The following PRKG1 variants were observed in gnomAD, a reference collection of about 807,000 sequenced individuals.
The protein encoded by PRKG1 is protein kinase cGMP-dependent 1, also known as cGMP-dependent protein kinase 1.
Under a neutral mutation model 88.1 loss-of-function variants are expected in PRKG1, and 35 were observed. That is an observed-to-expected ratio of 0.40 (90% CI 0.30 to 0.53). PRKG1 has a LOEUF of 0.53. PRKG1 is among the 20% of genes least tolerant of loss of function. PRKG1 has a pLI of 0.59. For missense variants in PRKG1, 540 were observed against 839.8 expected (o/e 0.64, Z 4.41); for synonymous variants, 303 against 292.5 (o/e 1.04, Z -0.37).
chr10:51,829,191 T>G (rs1839946036), intron 4 of PRKG1, among the ~76,000 whole-genome samples: 1 of 152,234 alleles, frequency 6.6e-6, no homozygotes, highest in Non-Finnish European at 1.5e-5. Context: ...GGCAGTTGGC[T>G]TCTCTAAGGA....
intron 7 of PRKG1, among the ~76,000 whole-genome samples, chr10:52,066,626 A>G (rs1846361869): frequency 6.6e-6 from 1 of 152,228 alleles, no homozygotes; most frequent in East Asian, 1.9e-4. Flanking sequence ...ACAATAGGCT[A>G]GTAAAACAGG....
At chr10:51,839,942 G>A (rs544066964) in intron 4 of PRKG1, among the ~76,000 whole-genome samples, 1 of 152,254 alleles carries the variant, frequency 6.6e-6, no homozygotes, top group Admixed American at 6.5e-5. Context: ...AATTCTTGAG[G>A]ATGCCATTTT....
intron 1 of PRKG1, among the ~76,000 whole-genome samples, chr10:51,043,596 G>A (rs941658988): frequency 6.6e-6 from 1 of 152,122 alleles, no homozygotes; most frequent in African/African-American, 2.4e-5. Flanking sequence ...AGGAACCACA[G>A]GCCATAGTAC....
chr10:52,056,777 A>G (rs928075881), intron 6 of PRKG1, among the ~76,000 whole-genome samples: 2 of 152,152 alleles, frequency 1.3e-5, no homozygotes, highest in African/African-American at 2.4e-5. Flanking sequence ...TTCTAATACT[A>G]ATATATTAAC....
At chr10:51,596,092 G>A (rs898309656) in intron 3 of PRKG1, among the ~76,000 whole-genome samples, 2 of 152,124 alleles carry the variant, frequency 1.3e-5, no homozygotes, top group African/African-American at 4.8e-5. Context: ...GCCTCCCAAA[G>A]TGCTGGGATT....
chr10:51,020,454 G>T (rs377752864), intron 1 of PRKG1, among the ~76,000 whole-genome samples: 1 of 152,162 alleles, frequency 6.6e-6, no homozygotes, highest in Non-Finnish European at 1.5e-5. Context: ...AGATGCTTAG[G>T]CTGCATCAAA....
At chr10:51,348,113 C>A (rs565049653) in intron 2 of PRKG1, among the ~76,000 whole-genome samples, 1 of 151,882 alleles carries the variant, frequency 6.6e-6, no homozygotes, top group Non-Finnish European at 1.5e-5. Context: ...GGAGAAAACA[C>A]GTAACTTAAG....
chr10:51,675,725 A>G (rs1336699567), intron 3 of PRKG1, among the ~76,000 whole-genome samples: 1 of 152,222 alleles, frequency 6.6e-6, no homozygotes, highest in Non-Finnish European at 1.5e-5. Flanking sequence ...ATTTGGATAC[A>G]TTTAAAAATT....
chr10:51,927,387 G>C (rs1242723761), intron 5 of PRKG1, among the ~76,000 whole-genome samples: 1 of 152,130 alleles, frequency 6.6e-6, no homozygotes, highest in Admixed American at 6.6e-5. Context: ...ACATGGAACT[G>C]TGAGTCCATT....
intron 5 of PRKG1, among the ~76,000 whole-genome samples, chr10:51,923,648 T>A (rs146899744): frequency 4.7e-4 from 71 of 152,032 alleles, no homozygotes; most frequent in African/African-American, 1.6e-3. Context: ...AGATAGCATA[T>A]GTACCTTATA....
intron 1 of PRKG1, among the ~76,000 whole-genome samples, chr10:51,016,736 T>TCGGCTCACTG (rs1843071545): frequency 7.3e-6 from 1 of 137,686 alleles, no homozygotes; most frequent in Non-Finnish European, 1.5e-5. Context: ...TGGCGCGATC[T>TCGGCTCACTG]CGGCTCACTG....
At chr10:51,012,129 G>C (rs375427508) in intron 1 of PRKG1, among the ~76,000 whole-genome samples, 174 of 152,302 alleles carry the variant, frequency 1.1e-3, no homozygotes, top group African/African-American at 4.0e-3. Flanking sequence ...GATTGGGGTA[G>C]GAACTAGCCA....
intron 10 of PRKG1, among the ~76,000 whole-genome samples, chr10:52,259,519 T>C (rs995908330): frequency 6.6e-5 from 10 of 152,156 alleles, no homozygotes; most frequent in African/African-American, 1.7e-4. Flanking sequence ...ATCAATTGCA[T>C]ATATTTAATT....
At chr10:51,162,187 C>T (rs1405963287) in intron 2 of PRKG1, among the ~76,000 whole-genome samples, 2 of 152,172 alleles carry the variant, frequency 1.3e-5, no homozygotes, top group East Asian at 3.8e-4. Flanking sequence ...ATAGGAGCCA[C>T]TTCCCAGCAC....
chr10:51,010,231 C>T (rs1379164911), intron 1 of PRKG1, among the ~76,000 whole-genome samples: 6 of 152,352 alleles, frequency 3.9e-5, no homozygotes, highest in South Asian at 2.1e-4. Context: ...GTAAATCATT[C>T]GCTCTACATT....
At chr10:51,816,020 A>T (rs963740487) in intron 4 of PRKG1, among the ~76,000 whole-genome samples, 3 of 152,208 alleles carry the variant, frequency 2.0e-5, no homozygotes, top group African/African-American at 7.2e-5. Flanking sequence ...ATAAGCTGGC[A>T]CCTGCCTCCT....
At chr10:52,252,912 A>G (rs1226717668) in intron 10 of PRKG1, 4 of 151,870 alleles carry the variant, frequency 2.6e-5, no homozygotes, top group Non-Finnish European at 5.9e-5. Context: ...TAATGTAGCC[A>G]TGGATTTATT....
At chr10:51,838,493 C>T (rs1347134334) in intron 4 of PRKG1, among the ~76,000 whole-genome samples, 1 of 152,198 alleles carries the variant, frequency 6.6e-6, no homozygotes, top group African/African-American at 2.4e-5. Context: ...GAAGTGTCCT[C>T]TGGGACTCAA....
intron 3 of PRKG1, among the ~76,000 whole-genome samples, chr10:51,539,499 C>G (rs116687635): frequency 4.5e-4 from 68 of 152,294 alleles, no homozygotes; most frequent in African/African-American, 1.4e-3. Flanking sequence ...GTGCAAAACA[C>G]TGATACATCT....
Sources: gnomAD v4.1 joint callset for allele counts (sites outside exome capture counted in the v4.1 genomes callset) on GRCh38, gnomAD v4.1.1 for gene constraint, MANE v1.5 for transcripts, NCBI Gene and HGNC (gene_info 2026-07-23, HGNC 2026-07-21) for gene names.